Variants in PHF6 observed in about 807,000 individuals in gnomAD.
The protein encoded by PHF6 is PHD-like zinc finger protein.
Under a neutral mutation model 34.0 loss-of-function variants are expected in PHF6, and 7 were observed. The ratio of observed to expected loss-of-function variants is 0.21; its 90% CI spans 0.12 to 0.39. The LOEUF is 0.39. PHF6 is among the 10% of genes least tolerant of loss of function. PHF6 has a pLI of 1.00. For missense variants in PHF6, 128 were observed against 262.8 expected, an observed-to-expected ratio of 0.49 and a Z score of 3.55; for synonymous variants, 89 against 88.4, an observed-to-expected ratio of 1.01 and a Z score of -0.04.
At chrX:134,396,581 G>A (rs928128117) in intron 5 of PHF6, among the ~76,000 whole-genome samples, 1 of 111,153 alleles carries the variant, frequency 9.0e-6, no homozygotes, top group Non-Finnish European at 1.9e-5. Context: ...CGATGTGTAC[G>A]TCTATAGAAC....
intron 8 of PHF6, among the ~76,000 whole-genome samples, chrX:134,416,627 C>G (rs961236314): frequency 4.5e-5 from 5 of 112,104 alleles, no homozygotes; most frequent in African/African-American, 1.6e-4. Context: ...CTTTCTCAAA[C>G]TTATTTGACT....
At chrX:134,383,253 AT>A (rs397715617) in intron 3 of PHF6, among the ~76,000 whole-genome samples, 11 of 108,009 alleles carry the variant, frequency 1.0e-4, no homozygotes, top group East Asian at 2.9e-4. Context: ...AAAAAAAAAA[AT>A]TTTTTTTTGC....
chrX:134,373,640 A>G (rs1280144610), intron 1 of PHF6, among the ~76,000 whole-genome samples, 173 bp downstream of exon 1: 2 of 111,757 alleles, frequency 1.8e-5, no homozygotes, highest in African/African-American at 6.5e-5. Flanking sequence ...CTTGGCGGAG[A>G]GGCTGCTGAG....
Position 134,393,503 on chromosome X carries a change from G to A in PHF6, c.243G>A (p.Met81Ile). ...ATTATTTTGTCGTTTTGCTGTAGAT[G>A]TGTTCTTTGTGCCATTGTCCTGGAG... The part of the protein sequence containing the change: ...QKEIKRGTKL[M>I]CSLCHCPGAT... Residue 81 changes from methionine (M) to isoleucine (I), a missense_variant and splice_region_variant, in exon 4 of 11, where the codon ATG becomes ATA. By Grantham distance (10) the Met-to-Ile change is conservative. Coordinates refer to ENST00000370803, the MANE Select transcript of PHF6 (RefSeq NM_001015877.2). 1.7e-6 allele frequency: 2 copies of A among 1,210,857 alleles called. No homozygotes were observed. The highest frequency in any genetic ancestry group is 1.7e-5 in the African/African-American group (1 of 57,821).
chrX:134,405,333 G>A (rs1423833125), intron 5 of PHF6, among the ~76,000 whole-genome samples: 1 of 110,976 alleles, frequency 9.0e-6, no homozygotes. Flanking sequence ...CAAGTAGCTG[G>A]GATTACAGGT....
intron 3 of PHF6, among the ~76,000 whole-genome samples, chrX:134,380,026 C>T (rs1226602138): frequency 1.8e-5 from 2 of 111,762 alleles, no homozygotes; most frequent in Non-Finnish European, 3.8e-5. Flanking sequence ...AGAACAAAAG[C>T]AGTTTTGGTC....
intron 1 of PHF6, among the ~76,000 whole-genome samples, chrX:134,375,874 TTC>T (rs2077276264): frequency 8.9e-6 from 1 of 112,206 alleles, no homozygotes; most frequent in Non-Finnish European, 1.9e-5. Context: ...TTTCTTTTGT[TTC>T]TCTGTTATGT....
chrX:134,404,096 A>C (rs1321484496), intron 5 of PHF6, among the ~76,000 whole-genome samples: 2 of 99,130 alleles, frequency 2.0e-5, no homozygotes, highest in African/African-American at 7.7e-5. Flanking sequence ...AATACATTTC[A>C]TGAGGCTGTA....
At position 134,413,536 on chromosome X, in the gene PHF6, C is replaced by G; in HGVS notation, c.464C>G (p.Ser155Ter). Residue 155 changes from serine to a stop codon, truncating the protein, a stop_gained, in exon 6 of 11, where the codon TCA becomes TGA. Transcript: ENST00000370803. LOFTEE classifies it high-confidence loss of function. ...SFNEHELEPS[S>*]PKSKKKSRKG... The stretch of plus-strand genomic sequence containing the variant: ...AATGAACATGAACTGGAGCCCTCAT[C>G]ACCTAAAAGTAAAAAGAAAAGTCGC... 8.3e-7 allele frequency: 1 copy of G among 1,210,434 alleles called. No individual in the cohort carries two copies.
chrX:134,378,183 T>C (rs1238271725), intron 3 of PHF6, 77 bp downstream of exon 3: 18 of 630,510 alleles, frequency 2.9e-5, no homozygotes, highest in Admixed American at 8.1e-5. Context: ...TTTTAGAGTG[T>C]ATTGCATTAT....
intron 3 of PHF6, among the ~76,000 whole-genome samples, chrX:134,380,291 C>T (rs750065913): frequency 8.3e-5 from 9 of 108,703 alleles, no homozygotes; most frequent in African/African-American, 1.3e-4. Context: ...GGACTACAGG[C>T]GCCCATCACT....
chrX:134,406,066 CTTTCTTTCTTTCTT>C (rs1404406299), intron 5 of PHF6, among the ~76,000 whole-genome samples: 3 of 49,624 alleles, frequency 6.0e-5, no homozygotes, highest in Non-Finnish European at 1.1e-4. Flanking sequence ...TTTTCTTTTT[CTTTCTTTCTTTCTT>C]TCTTTCTTTC....
intron 5 of PHF6, among the ~76,000 whole-genome samples, chrX:134,396,935 G>A (rs1397735009): frequency 1.8e-5 from 2 of 108,544 alleles, no homozygotes; most frequent in Non-Finnish European, 3.8e-5. Context: ...GAACAAAGAT[G>A]AATTAATATC....
chrX:134,389,849 A>C (rs1270350215), intron 3 of PHF6, among the ~76,000 whole-genome samples: 1 of 111,470 alleles, frequency 9.0e-6, no homozygotes, highest in African/African-American at 3.3e-5. Context: ...TTAAATCTGC[A>C]GGTATTAGAA....
chrX:134,390,341 C>T (rs1208018135), intron 3 of PHF6, among the ~76,000 whole-genome samples: 2 of 111,790 alleles, frequency 1.8e-5, no homozygotes, highest in East Asian at 2.8e-4. Flanking sequence ...AGTTTCCACT[C>T]CGAAAATATT....
chrX:134,418,766 T>C (rs1256267772), intron 9 of PHF6: 1 of 111,367 alleles, frequency 9.0e-6, no homozygotes, highest in Non-Finnish European at 1.9e-5. Flanking sequence ...TCTGTAAAGC[T>C]TACATAACTG....
At chrX:134,381,695 A>G (rs1220617662) in intron 3 of PHF6, among the ~76,000 whole-genome samples, 1 of 109,807 alleles carries the variant, frequency 9.1e-6, no homozygotes, top group African/African-American at 3.3e-5. Flanking sequence ...GGGTTTCACC[A>G]TGTTAGGCTG....
chrX:134,377,521 A>G, intron 1 of PHF6, 51 bp from the exon 2 acceptor site: 1 of 971,614 alleles, frequency 1.0e-6, no homozygotes. Context: ...GAATATGTAT[A>G]AACTGATTTT....
intron 3 of PHF6, among the ~76,000 whole-genome samples, chrX:134,380,685 T>A (rs1456834720): frequency 9.0e-6 from 1 of 111,585 alleles, no homozygotes; most frequent in African/African-American, 3.3e-5. Context: ...GATTAAGTTA[T>A]TTACTTCTCC....
Sources: allele counts gnomAD v4.1 joint callset (sites outside exome capture counted in the v4.1 genomes callset), GRCh38; gene constraint gnomAD v4.1.1; transcripts MANE v1.5; gene names NCBI Gene and HGNC (gene_info 2026-07-23, HGNC 2026-07-21).